PRRT4: variants seen among roughly 807,000 people sequenced by gnomAD.
PRRT4 encodes proline-rich transmembrane protein 4.
In PRRT4, 59 loss-of-function variants were observed where a neutral mutation model predicts 55.6. The ratio of observed to expected loss-of-function variants is 1.06; its 90% confidence interval spans 0.86 to 1.32. The LOEUF (loss-of-function observed/expected upper bound fraction) is 1.32. Among genes scored for constraint, PRRT4 ranks in the 40% most tolerant of loss-of-function variants. The pLI is 0.00. For missense variants in PRRT4, 1,217 were observed against 1,222.0 expected (o/e 1.00, Z 0.06); for synonymous variants, 606 against 601.8 (o/e 1.01, Z -0.10).
rs1196761735 is a variant in PRRT4, at chr7:128,358,933, C to A, written c.758-133G>T. 14 of 1,392,346 alleles carry A rather than the reference C, an allele frequency of 1.0e-5. No individual in the cohort carries two copies. The highest frequency in any genetic ancestry group is 5.2e-4 in the Middle Eastern group (2 of 3,882). 86.2% of individuals were successfully genotyped at this position (1,392,346 alleles called of 1,614,324 possible). A position where few individuals can be genotyped will look rare whatever the true frequency, so the allele number is the denominator to read the frequency against. ...CTGTCCCAGGAATTGTAGCCACATGCTAAGCTCATGTACACCATGAGCTAA... is the reference window on the plus strand; with the variant it reads ...CTGTCCCAGGAATTGTAGCCACATGATAAGCTCATGTACACCATGAGCTAA... On this transcript the variant is annotated intron_variant, in intron 3 of 4. Coordinates refer to ENST00000535159, the Ensembl canonical transcript of PRRT4. This position sits in a 1 kb window ranked among gnomAD's most constrained non-coding sequence, Gnocchi z 4.4.
chr7:128,359,001 T>C, intron 3 of PRRT4, 148 bp downstream of exon 4: 1 of 1,171,364 alleles, frequency 8.5e-7, no homozygotes, highest in Non-Finnish European at 1.2e-6. Context: ...AAGAGAATAC[T>C]CCTTCCGTGG....
chr7:128,358,720 C>T lies in PRRT4; in HGVS notation c.838G>A (p.Ala280Thr). The T allele has an allele frequency of 6.4e-7, 1 of 1,551,708 alleles. No homozygotes were observed. The highest frequency in any genetic ancestry group is 8.7e-7 in the Non-Finnish European group (1 of 1,146,992). The change falls in exon 4 of 5, where the codon GCT becomes ACT. Residue 280 changes from alanine to threonine, a missense_variant. By Grantham distance (58) the Ala-to-Thr change is moderately conservative. Transcript: ENST00000535159. This position sits in a 1 kb window ranked among gnomAD's most constrained non-coding sequence, Gnocchi z 4.4. ...GCAATCGAGGCAAAACTTAGGGAAG[C>T]AGCTGGGTCCAGAGGACTTGGGCTG...
At chr7:128,350,727 C>G (rs563364488), downstream of PRRT4, 2 of 1,435,242 alleles carry the variant, frequency 1.4e-6, no homozygotes, top group Non-Finnish European at 1.9e-6. Flanking sequence ...CCAGGGACCC[C>G]TGGATGGGGA....
rs1379414436 is a variant in PRRT4, at chr7:128,358,526, A to C, written c.877+155T>G. On this transcript the variant is annotated intron_variant, in intron 4 of 4. Coordinates refer to ENST00000535159, the Ensembl canonical transcript of PRRT4. This position sits in a 1 kb window ranked among gnomAD's most constrained non-coding sequence, Gnocchi z 4.4. Reference sequence around the variant, plus strand: ...TTTCTCCAGCAATACTTTCTCTCAGACCATTCATATATATCTCCACGGTGA... The same window carrying C: ...TTTCTCCAGCAATACTTTCTCTCAGCCCATTCATATATATCTCCACGGTGA... Among the ~76,000 whole-genome samples, 1 of 152,206 alleles carries C rather than the reference A, an allele frequency of 6.6e-6. No homozygotes were observed. Among genetic ancestry groups the C allele is most frequent in the Non-Finnish European group, 1.5e-5 (1 of 68,048 alleles).
At chr7:128,359,491 A>G in exon 2 of PRRT4, 3 of 1,464,202 alleles carry the variant, frequency 2.0e-6, no homozygotes, top group Non-Finnish European at 2.7e-6. Context: ...GCCTGGGAGC[A>G]CTGGATGGAA....
At chr7:128,361,872 A>T (rs573578346), upstream of PRRT4, among the ~76,000 whole-genome samples, 33 of 152,206 alleles carry the variant, frequency 2.2e-4, no homozygotes, top group Non-Finnish European at 4.6e-4. Flanking sequence ...TCATTCACCC[A>T]GCGCTGTCAA....
intron 1 of PRRT4, among the ~76,000 whole-genome samples, 193 bp downstream of exon 2, chr7:128,361,101 TCTCACACACACA>T (rs1371160085): frequency 1.5e-3 from 182 of 118,284 alleles, no homozygotes; most frequent in African/African-American, 5.6e-3. Context: ...TCTCTCTCTC[TCTCACACACACA>T]CACACACACA....
At chr7:128,352,985 T>C (rs1407503915) in intron 4 of PRRT4, among the ~76,000 whole-genome samples, 1 of 152,038 alleles carries the variant, frequency 6.6e-6, no homozygotes, top group African/African-American at 2.4e-5. Context: ...TTCTTTGAAG[T>C]CACAGAACTT....
rs763308808 is a variant in PRRT4 at position 128,359,329 on chromosome 7, T to G, written c.652+11A>C. The G allele has an allele frequency of 3.2e-5, 48 of 1,497,154 alleles. No homozygotes were observed. Among genetic ancestry groups the G allele is most frequent in the Non-Finnish European group, 1.8e-6 (2 of 1,124,582 alleles). 92.7% of individuals were successfully genotyped at this position (1,497,154 alleles called of 1,614,324 possible). Reference sequence around the variant, plus strand: ...AGCAGGGGCTTTCCTTGGGATGGGGTGGTTACTCACCAAAGGGTCCCAGGC... The same window carrying G: ...AGCAGGGGCTTTCCTTGGGATGGGGGGGTTACTCACCAAAGGGTCCCAGGC... On this transcript the variant is annotated intron_variant, in intron 2 of 4. Transcript: ENST00000535159.
chr7:128,351,039 G>C, exon 5 of PRRT4: 1 of 1,549,414 alleles, frequency 6.5e-7, no homozygotes. Flanking sequence ...TGCTTCCTGA[G>C]GGCCGCGGGG....
intron 1 of PRRT4, among the ~76,000 whole-genome samples, chr7:128,360,894 G>A (rs1163715116): frequency 6.6e-6 from 1 of 151,806 alleles, no homozygotes; most frequent in African/African-American, 2.4e-5. Context: ...GGACACACAT[G>A]CACCCGGCAC....
exon 2 of PRRT4, chr7:128,359,409 G>C (rs1004889437): frequency 6.8e-7 from 1 of 1,465,728 alleles, no homozygotes; most frequent in Non-Finnish European, 9.0e-7. Context: ...GGCAGCGTTC[G>C]ATGCCCAAGC....
chr7:128,359,561 G>A (rs975147144), exon 2 of PRRT4: 3 of 1,494,806 alleles, frequency 2.0e-6, no homozygotes, highest in Middle Eastern at 1.8e-4. Flanking sequence ...CTGATAGGGG[G>A]CAGTGGGCCC....
At position 128,351,720 on chromosome 7, in the gene PRRT4, C is replaced by T. The variant is rs755381320; in HGVS notation, c.1836G>A (p.Ala612=). The change falls in exon 5 of 5, where the codon GCG becomes GCA. Residue 612 remains alanine, a synonymous_variant. Coordinates refer to ENST00000535159, the Ensembl canonical transcript of PRRT4. Reference sequence around the variant, plus strand: ...AGAGGCCCAGCAGCGCCAACGGGAGCGCGACGCCCACCTCGCCCAGGCGCA... The same window carrying T: ...AGAGGCCCAGCAGCGCCAACGGGAGTGCGACGCCCACCTCGCCCAGGCGCA... The T allele has an allele frequency of 3.4e-6, 5 of 1,478,278 alleles. No individual in the cohort carries two copies. The South Asian group carries it at 3.9e-5, about 12-fold the overall frequency. 91.6% of individuals were successfully genotyped at this position (1,478,278 alleles called of 1,614,324 possible).
In PRRT4 at chr7:128,359,326, G is replaced by C. The variant is rs1306782397; in HGVS notation, c.652+14C>G. The C allele has an allele frequency of 6.7e-7, 1 of 1,498,318 alleles. No individual in the cohort carries two copies. The highest frequency in any genetic ancestry group is 8.9e-7 in the Non-Finnish European group (1 of 1,125,154). The allele number at this position is 1,498,318 out of a possible 1,614,324, so 92.8% of individuals were successfully genotyped here. On this transcript the variant is annotated intron_variant, in intron 2 of 4. Coordinates refer to ENST00000535159, the Ensembl canonical transcript of PRRT4. ...CCCAGCAGGGGCTTTCCTTGGGATG[G>C]GGTGGTTACTCACCAAAGGGTCCCA...
chr7:128,350,908 G>A (rs1411614514), exon 5 of PRRT4: 6 of 1,550,768 alleles, frequency 3.9e-6, no homozygotes, highest in South Asian at 2.4e-5. Flanking sequence ...CTGTCGGCAG[G>A]CGTCCAGGAA....
At position 128,358,725 on chromosome 7, in the gene PRRT4, G is replaced by A. The variant is rs764328704; in HGVS notation, c.833C>T (p.Pro278Leu). 2 of 1,551,736 alleles carry A rather than the reference G, an allele frequency of 1.3e-6. No homozygotes were observed. The highest frequency in any genetic ancestry group is 8.7e-7 in the Non-Finnish European group (1 of 1,146,998). The change falls in exon 4 of 5, where the codon CCA (proline) becomes CTA (leucine). Residue 278 changes from proline to leucine, a missense_variant. By Grantham distance (98) the Pro-to-Leu change is moderately conservative. This residue lies in a region of PRRT4 where 564 missense variants were observed against 592.9 expected (regional missense o/e 0.95). Transcript: ENST00000535159. This position sits in a 1 kb window ranked among gnomAD's most constrained non-coding sequence, Gnocchi z 4.4. Reference sequence around the variant, plus strand: ...CGAGGCAAAACTTAGGGAAGCAGCTGGGTCCAGAGGACTTGGGCTGGAGAG... The same window carrying A: ...CGAGGCAAAACTTAGGGAAGCAGCTAGGTCCAGAGGACTTGGGCTGGAGAG...
At position 128,359,856 on chromosome 7, in the gene PRRT4, AG is replaced by A; in HGVS notation, c.135del (p.Ser46LeufsTer48). On this transcript the variant is annotated frameshift_variant, in exon 2 of 5. Transcript: ENST00000535159. LOFTEE classifies it high-confidence loss of function. ...AGTCCCAGGTTGAGAGACAGCATAG[AG>A]GCCTCACTTTGAGGTACGGGGGTCA... 6.7e-7 allele frequency: 1 copy of A among 1,489,370 alleles called. No individual in the cohort carries two copies. The highest frequency in any genetic ancestry group is 9.0e-7 in the Non-Finnish European group (1 of 1,113,944). 92.3% of individuals were successfully genotyped at this position (1,489,370 alleles called of 1,614,324 possible).
At chr7:128,351,720 C>A in exon 5 of PRRT4, 1 of 1,478,278 alleles carries the variant, frequency 6.8e-7, no homozygotes, top group Non-Finnish European at 8.9e-7. Context: ...CCAACGGGAG[C>A]GCGACGCCCA....
Sources: allele counts gnomAD v4.1 joint callset (sites outside exome capture counted in the v4.1 genomes callset), GRCh38; gene constraint gnomAD v4.1.1; regional missense constraint gnomAD v4.1.1; non-coding constraint Gnocchi (gnomAD v3.1); transcripts MANE v1.5; gene names NCBI Gene and HGNC (gene_info 2026-07-23, HGNC 2026-07-21).